The following RBFOX1 variants were observed in gnomAD, a reference collection of about 807,000 sequenced individuals.
RBFOX1 encodes RNA binding fox-1 homolog 1, also known as RNA binding protein fox-1 homolog 1.
Under a neutral mutation model 57.7 loss-of-function variants are expected in RBFOX1, and 8 were observed. That is an observed-to-expected ratio of 0.14 (90% CI 0.08 to 0.25). The LOEUF (loss-of-function observed/expected upper bound fraction) is 0.25, where lower values mean the gene tolerates loss of function less well. RBFOX1 is among the 10% of genes least tolerant of loss of function. RBFOX1 has a pLI of 1.00. For missense variants in RBFOX1, 611 were observed against 548.5 expected, an observed-to-expected ratio of 1.11 and a Z score of -1.14; for synonymous variants, 326 against 222.4, an observed-to-expected ratio of 1.47 and a Z score of -4.15.
At chr16:7,310,192 G>C (rs188645935) in intron 4 of RBFOX1, among the ~76,000 whole-genome samples, 1 of 152,170 alleles carries the variant, frequency 6.6e-6, no homozygotes, top group Non-Finnish European at 1.5e-5. Flanking sequence ...CCCGCAGGCC[G>C]CCTCTGCTGG....
chr16:7,400,307 T>G (rs2148765644), intron 4 of RBFOX1, among the ~76,000 whole-genome samples: 2 of 152,268 alleles, frequency 1.3e-5, no homozygotes, highest in Admixed American at 1.3e-4. Flanking sequence ...GCATTAAAAA[T>G]AACTGCATTA....
chr16:7,158,177 T>C (rs979409913), intron 4 of RBFOX1, among the ~76,000 whole-genome samples: 3 of 152,116 alleles, frequency 2.0e-5, no homozygotes, highest in South Asian at 2.1e-4. Context: ...TGAAACCCTG[T>C]CTCTATAAAA....
chr16:7,077,960 ACT>A (rs1421406055), intron 4 of RBFOX1, among the ~76,000 whole-genome samples: 1 of 152,126 alleles, frequency 6.6e-6, no homozygotes, highest in Non-Finnish European at 1.5e-5. Context: ...GAGAAAGTAA[ACT>A]CAAGGGCTGT....
chr16:6,245,760 C>T lies in RBFOX1; in HGVS notation c.-126-71235C>T, dbSNP rs139680208. Among the ~76,000 whole-genome samples the T allele has an allele frequency of 7.2e-3, 1,099 of 152,300 alleles. 9 individuals are homozygous for T. Among genetic ancestry groups the T allele is most frequent in the African/African-American group, 0.023 (942 of 41,546 alleles). Reference sequence around the variant, plus strand: ...CACCTGAGAATAACATCTGCAGCTACTCAGCAGTGAAACAAGAATTTAAAC... The same window carrying T: ...CACCTGAGAATAACATCTGCAGCTATTCAGCAGTGAAACAAGAATTTAAAC... On this transcript the variant is annotated intron_variant, in intron 1 of 15. Transcript: ENST00000550418.
intron 2 of RBFOX1, among the ~76,000 whole-genome samples, chr16:6,338,279 T>C (rs992747479): frequency 1.3e-5 from 2 of 152,212 alleles, no homozygotes; most frequent in African/African-American, 4.8e-5. Flanking sequence ...TATAAGCTTT[T>C]GAAGGGATTA....
intron 1 of RBFOX1, among the ~76,000 whole-genome samples, chr16:5,274,415 G>A (rs185209089): frequency 6.6e-6 from 1 of 152,182 alleles, no homozygotes. Context: ...TGTAGTCCCA[G>A]CTACTCTGGA....
intron 1 of RBFOX1, among the ~76,000 whole-genome samples, chr16:6,142,963 A>G (rs566202037): frequency 6.6e-6 from 1 of 152,092 alleles, no homozygotes; most frequent in Non-Finnish European, 1.5e-5. Flanking sequence ...TTTAGTTTTC[A>G]TTCTAATTCC....
chr16:5,451,049 A>G (rs998397472), intron 1 of RBFOX1, among the ~76,000 whole-genome samples: 2 of 152,222 alleles, frequency 1.3e-5, no homozygotes. Context: ...CCTGGTACAG[A>G]GTGGGCACTC....
chr16:7,589,912 G>GTGTGTGTGTGT (rs2094347069), intron 7 of RBFOX1, among the ~76,000 whole-genome samples: 3 of 134,946 alleles, frequency 2.2e-5, no homozygotes, highest in Non-Finnish European at 4.7e-5. Context: ...GTGTGTGCTG[G>GTGTGTGTGTGT]GTGTGTGTGT....
chr16:7,059,280 C>A (rs1009733100), intron 4 of RBFOX1, among the ~76,000 whole-genome samples: 2 of 152,134 alleles, frequency 1.3e-5, no homozygotes, highest in African/African-American at 4.8e-5. Context: ...AATGTAAGCC[C>A]CCCTTCTCCC....
chr16:5,630,582 C>G (rs576036036), intron 3 of RBFOX1, among the ~76,000 whole-genome samples: 3 of 152,130 alleles, frequency 2.0e-5, no homozygotes, highest in African/African-American at 7.2e-5. Flanking sequence ...AGAGCACTGG[C>G]GGGTGGCTTT....
chr16:5,669,831 C>A (rs563231014), intron 3 of RBFOX1, among the ~76,000 whole-genome samples: 1 of 152,186 alleles, frequency 6.6e-6, no homozygotes, highest in African/African-American at 2.4e-5. Context: ...GCCATAGGGC[C>A]CAGCAATTCT....
intron 4 of RBFOX1, among the ~76,000 whole-genome samples, chr16:5,986,657 C>CT (rs1306921703): frequency 6.6e-6 from 1 of 152,140 alleles, no homozygotes; most frequent in Non-Finnish European, 1.5e-5. Flanking sequence ...TTAGGATGGG[C>CT]TTTTTTTCAC....
At chr16:6,018,555 G>A (rs1387360191), upstream of RBFOX1, among the ~76,000 whole-genome samples, 1 of 152,146 alleles carries the variant, frequency 6.6e-6, no homozygotes, top group Non-Finnish European at 1.5e-5. Context: ...GCCCAGCTGT[G>A]CGGGGTGGGG....
At chr16:7,141,872 G>A (rs912335881) in intron 4 of RBFOX1, among the ~76,000 whole-genome samples, 1 of 152,096 alleles carries the variant, frequency 6.6e-6, no homozygotes, top group Non-Finnish European at 1.5e-5. Context: ...CCTATTCTCT[G>A]CACAGCAGCC....
At chr16:6,721,684 C>A (rs763004723) in intron 3 of RBFOX1, 8 of 152,108 alleles carry the variant, frequency 5.3e-5, no homozygotes, top group African/African-American at 1.9e-4. Context: ...TAGAATCACA[C>A]AGCGTTTGTC....
At chr16:6,913,869 A>G (rs775119321) in intron 3 of RBFOX1, among the ~76,000 whole-genome samples, 4 of 152,174 alleles carry the variant, frequency 2.6e-5, no homozygotes, top group East Asian at 1.9e-4. Context: ...GGGCCAATCT[A>G]TTAGCAAGGT....
chr16:5,992,161 A>T (rs1415618502), intron 4 of RBFOX1, among the ~76,000 whole-genome samples: 1 of 152,174 alleles, frequency 6.6e-6, no homozygotes, highest in Non-Finnish European at 1.5e-5. Flanking sequence ...AAAAATTCTG[A>T]AGAAAAAAAA....
intron 4 of RBFOX1, among the ~76,000 whole-genome samples, chr16:7,366,395 C>T (rs920369222): frequency 3.3e-5 from 5 of 152,186 alleles, no homozygotes; most frequent in Non-Finnish European, 1.5e-5. Flanking sequence ...GGAAGCTGCG[C>T]CCTGACATTT....
Sources: gnomAD v4.1 joint callset for allele counts (sites outside exome capture counted in the v4.1 genomes callset) on GRCh38, gnomAD v4.1.1 for gene constraint, MANE v1.5 for transcripts, NCBI Gene and HGNC (gene_info 2026-07-23, HGNC 2026-07-21) for gene names.